CSMD1: variants seen among roughly 807,000 people sequenced by gnomAD.
CSMD1 encodes CUB and Sushi multiple domains 1.
A neutral mutation model predicts 417.5 loss-of-function variants in CSMD1; 213 were observed. That is an observed-to-expected ratio of 0.51 (90% CI 0.46 to 0.57). CSMD1 has a LOEUF of 0.57. Ranked by LOEUF, CSMD1 falls within the 20% of genes least tolerant of loss-of-function variation. CSMD1 has a pLI of 0.00. For missense variants in CSMD1, 6,923 were observed against 4,529.7 expected (o/e 1.53, Z -15.17); for synonymous variants, 2,862 against 1,736.8 (o/e 1.65, Z -16.11).
At chr8:3,472,135 T>C (rs960706090) in intron 11 of CSMD1, among the ~76,000 whole-genome samples, 8 of 152,128 alleles carry the variant, frequency 5.3e-5, no homozygotes, top group African/African-American at 1.4e-4. Flanking sequence ...CTGATAATGC[T>C]TGTAAAGTGA....
intron 3 of CSMD1, among the ~76,000 whole-genome samples, chr8:4,138,405 G>A (rs1371810995): frequency 6.6e-6 from 1 of 151,968 alleles, no homozygotes; most frequent in Non-Finnish European, 1.5e-5. Context: ...CTTACGTCCA[G>A]TTCTGAGCTC....
intron 3 of CSMD1, among the ~76,000 whole-genome samples, chr8:4,337,198 G>C (rs896860229): frequency 2.0e-5 from 3 of 152,064 alleles, no homozygotes; most frequent in African/African-American, 7.2e-5. Context: ...TATCTCAAAA[G>C]GGGAGACTTT....
At chr8:4,803,867 A>C (rs1798444162) in intron 1 of CSMD1, among the ~76,000 whole-genome samples, 1 of 152,220 alleles carries the variant, frequency 6.6e-6, no homozygotes, top group South Asian at 2.1e-4. Flanking sequence ...TTTTTGTAAG[A>C]ATTTAATGAG....
At chr8:3,127,566 T>C in intron 41 of CSMD1, 1 of 152,180 alleles carries the variant, frequency 6.6e-6, no homozygotes, top group East Asian at 1.9e-4. Flanking sequence ...AGAAAATCAT[T>C]TCACATAAAA....
intron 3 of CSMD1, among the ~76,000 whole-genome samples, chr8:4,059,881 C>CCATT (rs1384516077): frequency 6.6e-6 from 1 of 150,938 alleles, no homozygotes; most frequent in Non-Finnish European, 1.5e-5. Context: ...GGAACTGGTA[C>CCATT]CATTCCTTCT....
At chr8:3,569,755 T>A (rs901776608) in intron 10 of CSMD1, among the ~76,000 whole-genome samples, 33 of 152,216 alleles carry the variant, frequency 2.2e-4, no homozygotes, top group African/African-American at 8.0e-4. Context: ...TTATACTTAA[T>A]GGCAATGGCT....
At chr8:3,051,542 T>G (rs148366414) in intron 50 of CSMD1, among the ~76,000 whole-genome samples, 2 of 152,278 alleles carry the variant, frequency 1.3e-5, no homozygotes, top group African/African-American at 4.8e-5. Context: ...CAAACCCCTG[T>G]GACACGTAGT....
At chr8:4,491,518 C>CCA (rs1801700410) in intron 2 of CSMD1, among the ~76,000 whole-genome samples, 1 of 152,034 alleles carries the variant, frequency 6.6e-6, no homozygotes, top group Non-Finnish European at 1.5e-5. Flanking sequence ...CTCCTTCCTC[C>CCA]CACATTTCAT....
At chr8:3,405,633 A>G (rs1316703439) in intron 15 of CSMD1, among the ~76,000 whole-genome samples, 1 of 152,020 alleles carries the variant, frequency 6.6e-6, no homozygotes, top group Non-Finnish European at 1.5e-5. Flanking sequence ...CCAATCCAAT[A>G]TGATTGTGTC....
At chr8:3,487,332 G>C (rs1015468576) in intron 11 of CSMD1, among the ~76,000 whole-genome samples, 5 of 152,108 alleles carry the variant, frequency 3.3e-5, no homozygotes, top group Non-Finnish European at 5.9e-5. Flanking sequence ...CTCCCAAGTA[G>C]ATGGGACTAC....
At chr8:3,885,873 C>T (rs1360544377) in intron 5 of CSMD1, among the ~76,000 whole-genome samples, 2 of 151,980 alleles carry the variant, frequency 1.3e-5, no homozygotes, top group African/African-American at 2.4e-5. Flanking sequence ...TGCTCTTTTG[C>T]TAAATTTTTC....
chr8:4,169,166 C>T (rs80322191), intron 3 of CSMD1, among the ~76,000 whole-genome samples: 5,319 of 152,242 alleles, frequency 0.035, 316 homozygotes, highest in African/African-American at 0.12. Flanking sequence ...TAAACACCGT[C>T]TCTACGGTTT....
chr8:3,226,478 G>A (rs1361638280), intron 27 of CSMD1, among the ~76,000 whole-genome samples: 3 of 151,618 alleles, frequency 2.0e-5, no homozygotes, highest in African/African-American at 7.3e-5. Flanking sequence ...AGCTACTCAG[G>A]AGGCTGAGGC....
intron 8 of CSMD1, among the ~76,000 whole-genome samples, chr8:3,608,768 A>AAAT (rs1801746334): frequency 6.6e-6 from 1 of 151,612 alleles, no homozygotes; most frequent in Non-Finnish European, 1.5e-5. Context: ...TGTCTCAAAA[A>AAAT]AAAAAAAAAA....
chr8:3,000,278 AAT>A (rs1269461512), intron 52 of CSMD1, 147 bp from the exon 53 acceptor site: 1 of 415,454 alleles, frequency 2.4e-6, no homozygotes, highest in East Asian at 3.7e-5. Context: ...TATACTTTTA[AAT>A]ATAGTTTTTC....
At chr8:3,999,047 C>T (rs1397049849) in intron 4 of CSMD1, among the ~76,000 whole-genome samples, 2 of 149,546 alleles carry the variant, frequency 1.3e-5, no homozygotes, top group African/African-American at 4.9e-5. Context: ...CTATATATAG[C>T]TATGTTATAT....
intron 3 of CSMD1, among the ~76,000 whole-genome samples, chr8:4,313,422 G>C (rs113838227): frequency 0.034 from 5,088 of 151,562 alleles, 109 homozygotes; most frequent in Middle Eastern, 0.061. Context: ...ATGCCTGACG[G>C]GACCCCTGTG....
chr8:3,821,973 C>T (rs548919362), intron 5 of CSMD1, among the ~76,000 whole-genome samples: 2 of 152,246 alleles, frequency 1.3e-5, no homozygotes, highest in South Asian at 4.1e-4. Context: ...TCATGTTTCC[C>T]TTCACATTCT....
intron 3 of CSMD1, among the ~76,000 whole-genome samples, chr8:4,300,395 C>A (rs576226494): frequency 2.4e-4 from 36 of 152,174 alleles, no homozygotes; most frequent in African/African-American, 8.7e-4. Flanking sequence ...CTCCATCAAC[C>A]TCAAGACACT....
Sources: gnomAD v4.1 joint callset for allele counts (sites outside exome capture counted in the v4.1 genomes callset) on GRCh38, gnomAD v4.1.1 for gene constraint, MANE v1.5 for transcripts, NCBI Gene and HGNC (gene_info 2026-07-23, HGNC 2026-07-21) for gene names.